FAAH2: variants seen among roughly 807,000 people sequenced by gnomAD.
FAAH2 encodes fatty-acid amide hydrolase 2.
Under a neutral mutation model 36.9 loss-of-function variants are expected in FAAH2, and 60 were observed. The observed-to-expected ratio is 1.63, with a 90% CI of 1.32 to 2.02. The LOEUF is 2.02. Ranked by LOEUF, FAAH2 falls within the 30% of genes most tolerant of loss-of-function variation. The pLI is 0.00. For synonymous variants in FAAH2, 214 were observed against 143.8 expected, an observed-to-expected ratio of 1.49 and a Z score of -3.49; for missense variants, 689 against 397.5, an observed-to-expected ratio of 1.73 and a Z score of -6.23.
chrX:57,290,373 G>A, intron 1 of FAAH2: 1 of 571,507 alleles, frequency 1.7e-6, no homozygotes, highest in Non-Finnish European at 2.1e-6. Context: ...TTGAGTTATG[G>A]TGGCTGAAAT....
At chrX:57,406,518 G>T (rs888890801) in intron 7 of FAAH2, among the ~76,000 whole-genome samples, 16 of 111,945 alleles carry the variant, frequency 1.4e-4, no homozygotes, top group Admixed American at 6.6e-4. Context: ...TAGGGGAGGG[G>T]GCTGCACCAG....
In FAAH2 at chrX:57,331,619, T is replaced by C; in HGVS notation, c.434T>C (p.Leu145Pro). 1 of 1,211,179 alleles carries C rather than the reference T, an allele frequency of 8.3e-7. No homozygotes were observed. The highest frequency in any genetic ancestry group is 1.1e-6 in the Non-Finnish European group (1 of 894,905). The change falls in exon 4 of 11, where the codon CTC (leucine) becomes CCC (proline). Residue 145 changes from leucine (L) to proline (P), a missense_variant. Leu to Pro is a moderately conservative substitution (Grantham distance 98). Coordinates refer to ENST00000374900, the MANE Select transcript of FAAH2 (RefSeq NM_174912.4). ...QLQGMPNSSGLMNRRDAIAKT... is the reference protein window; with the variant it reads ...QLQGMPNSSGPMNRRDAIAKT... ...TTAGGAATGCCCAATTCTTCTGGAC[T>C]CATGAACCGTCGTGATGCCATTGCC...
At chrX:57,261,552 C>CAAA in the FAAH2 span, among the ~76,000 whole-genome samples, 46 of 23,323 alleles carry the variant, frequency 2.0e-3, 1 homozygote, top group African/African-American at 3.4e-3. Context: ...GACTCTGTCT[C>CAAA]AAAAAAAAAA....
intron 3 of FAAH2, among the ~76,000 whole-genome samples, chrX:57,328,889 C>T (rs779057341): frequency 9.0e-6 from 1 of 111,438 alleles, no homozygotes; most frequent in Non-Finnish European, 1.9e-5. Flanking sequence ...ATGAGGTCCC[C>T]ACTTTCTTCT....
At chrX:57,192,260 G>A in the FAAH2 span, among the ~76,000 whole-genome samples, 3 of 111,314 alleles carry the variant, frequency 2.7e-5, no homozygotes, top group Admixed American at 1.9e-4. Context: ...TTTAGACTGA[G>A]CATTGTTGGC....
chrX:57,488,730 C>T, intron 10 of FAAH2, 27 bp from the exon 11 acceptor site: 1 of 1,200,372 alleles, frequency 8.3e-7, no homozygotes, highest in South Asian at 1.8e-5. Context: ...GTCTTGATTT[C>T]TCACTTATTT....
At chrX:57,188,254 A>G in the FAAH2 span, among the ~76,000 whole-genome samples, 1 of 111,449 alleles carries the variant, frequency 9.0e-6, no homozygotes, top group Non-Finnish European at 1.9e-5. Flanking sequence ...TTATTGGTCT[A>G]TTCAGGAATT....
chrX:57,217,258 T>C, the FAAH2 span, among the ~76,000 whole-genome samples: 3 of 110,782 alleles, frequency 2.7e-5, no homozygotes, highest in East Asian at 8.4e-4. Flanking sequence ...TTTTTTTTTT[T>C]TTGTCATTCA....
chrX:57,398,519 T>C (rs2055357251), intron 7 of FAAH2, among the ~76,000 whole-genome samples: 1 of 111,552 alleles, frequency 9.0e-6, no homozygotes, highest in Non-Finnish European at 1.9e-5. Context: ...CACAATCTTA[T>C]ATTTCTTGAA....
chrX:57,349,177 G>GTATATGTATATATATA (rs1569280875), intron 5 of FAAH2, among the ~76,000 whole-genome samples: 1 of 28,245 alleles, frequency 3.5e-5, no homozygotes, highest in Non-Finnish European at 2.1e-4. Flanking sequence ...ACATATATAT[G>GTATATGTATATATATA]TATACATATA....
At chrX:57,478,079 A>G (rs140510576) in intron 10 of FAAH2, among the ~76,000 whole-genome samples, 1,222 of 112,036 alleles carry the variant, frequency 0.011, 4 homozygotes, top group Non-Finnish European at 0.019. Flanking sequence ...CTTCCACAAT[A>G]GTAGAACTAG....
At chrX:57,376,695 G>A (rs1374308037) in intron 5 of FAAH2, among the ~76,000 whole-genome samples, 1 of 111,822 alleles carries the variant, frequency 8.9e-6, no homozygotes, top group African/African-American at 3.3e-5. Flanking sequence ...GGGTCAAATG[G>A]TATTTCTGGT....
At chrX:57,312,091 C>T (rs777496055) in intron 3 of FAAH2, among the ~76,000 whole-genome samples, 7 of 112,306 alleles carry the variant, frequency 6.2e-5, no homozygotes, top group African/African-American at 1.9e-4. Flanking sequence ...TACAGAATAG[C>T]TAATAAAAGA....
At chrX:57,467,082 C>T (rs1288275357) in intron 10 of FAAH2, among the ~76,000 whole-genome samples, 1 of 111,179 alleles carries the variant, frequency 9.0e-6, no homozygotes, top group South Asian at 3.8e-4. Context: ...GATAGACTTT[C>T]CAAACAAGTT....
intron 7 of FAAH2, among the ~76,000 whole-genome samples, chrX:57,427,577 C>T (rs1484904574): frequency 1.8e-5 from 2 of 111,292 alleles, no homozygotes; most frequent in Non-Finnish European, 3.8e-5. Flanking sequence ...TGGTTTTAAC[C>T]CAGAGATGAA....
At chrX:57,374,904 G>A (rs756979601) in intron 5 of FAAH2, among the ~76,000 whole-genome samples, 16 of 111,238 alleles carry the variant, frequency 1.4e-4, no homozygotes, top group Non-Finnish European at 2.3e-4. Context: ...TTTTGCTGAG[G>A]GTTTTAATCA....
At chrX:57,170,697 A>ATGTG in the FAAH2 span, among the ~76,000 whole-genome samples, 719 of 100,092 alleles carry the variant, frequency 7.2e-3, 11 homozygotes, top group African/African-American at 0.025. Flanking sequence ...TATTTACTTT[A>ATGTG]TGTGTGTGTG....
At chrX:57,410,977 C>A (rs756917755) in intron 7 of FAAH2, among the ~76,000 whole-genome samples, 5 of 111,602 alleles carry the variant, frequency 4.5e-5, no homozygotes, top group East Asian at 5.7e-4. Context: ...TCCTTCAATT[C>A]TTTCATATTT....
intron 10 of FAAH2, among the ~76,000 whole-genome samples, chrX:57,460,281 A>G (rs1168956331): frequency 2.7e-5 from 3 of 111,625 alleles, no homozygotes; most frequent in Non-Finnish European, 3.8e-5. Flanking sequence ...AGACACACGA[A>G]CATTCAAATT....
Sources: gnomAD v4.1 joint callset for allele counts (sites outside exome capture counted in the v4.1 genomes callset) on GRCh38, gnomAD v4.1.1 for gene constraint, MANE v1.5 for transcripts, NCBI Gene and HGNC (gene_info 2026-07-23, HGNC 2026-07-21) for gene names.